Variants in SGCD observed in about 807,000 individuals in gnomAD.
The protein encoded by SGCD is sarcoglycan delta, also known as delta-sarcoglycan.
In SGCD, 18 loss-of-function variants were observed where a neutral mutation model predicts 36.6. That is an observed-to-expected ratio of 0.49 (90% CI 0.34 to 0.73). The LOEUF is 0.73. Among genes scored for constraint, SGCD ranks in the 30% least tolerant of loss-of-function variants. The probability of loss-of-function intolerance (pLI) is 0.01; values close to 1 mark genes in which losing one functional copy is unlikely to be tolerated. For missense variants in SGCD, 387 were observed against 346.7 expected, an observed-to-expected ratio of 1.12 and a Z score of -0.92; for synonymous variants, 133 against 130.6, an observed-to-expected ratio of 1.02 and a Z score of -0.12.
intron 1 of SGCD, among the ~76,000 whole-genome samples, chr5:155,977,143 G>T (rs1056290601): frequency 1.3e-5 from 2 of 152,210 alleles, no homozygotes; most frequent in East Asian, 3.8e-4. Context: ...CTGCCTCTAT[G>T]CAGGGAAGCA....
chr5:155,790,883 T>G, the SGCD span, among the ~76,000 whole-genome samples: 4 of 152,268 alleles, frequency 2.6e-5, no homozygotes, highest in South Asian at 4.1e-4. Context: ...GTACTTAATA[T>G]AAGAATTTCC....
chr5:155,934,812 A>G (rs546026857), intron 1 of SGCD, among the ~76,000 whole-genome samples: 26 of 152,316 alleles, frequency 1.7e-4, no homozygotes, highest in African/African-American at 6.0e-4. Context: ...CATCTGACCT[A>G]CAGTCTGCCC....
chr5:156,642,269 G>C (rs1561833151), intron 6 of SGCD, among the ~76,000 whole-genome samples: 1 of 151,914 alleles, frequency 6.6e-6, no homozygotes, highest in East Asian at 1.9e-4. Flanking sequence ...TGAATTTTGG[G>C]GGGACACAAA....
In SGCD at chr5:156,483,526, T is replaced by C. The variant is rs1486324823; in HGVS notation, c.193-25075T>C. ...GTTCATGTTACCTCATTTTTGCATT[T>C]GTGCATCGATAACCAAACAGAAGGC... On this transcript the variant is annotated intron_variant, in intron 3 of 8. Transcript: ENST00000337851. Among the ~76,000 whole-genome samples the C allele has an allele frequency of 2.6e-5, 4 of 152,206 alleles. No homozygotes were observed. The East Asian group carries it at 7.7e-4, about 29-fold the overall frequency.
At chr5:155,877,303 GT>G (rs1266522224) in intron 1 of SGCD, among the ~76,000 whole-genome samples, 2 of 152,092 alleles carry the variant, frequency 1.3e-5, no homozygotes, top group Non-Finnish European at 2.9e-5. Flanking sequence ...GTCTGATAGG[GT>G]TTGCCAAGTT....
intron 1 of SGCD, among the ~76,000 whole-genome samples, chr5:156,080,576 T>C (rs1174853839): frequency 1.3e-5 from 2 of 152,226 alleles, no homozygotes; most frequent in Non-Finnish European, 1.5e-5. Flanking sequence ...CCAGGCCATT[T>C]CTTGAATGCT....
At chr5:155,794,504 G>T in the SGCD span, among the ~76,000 whole-genome samples, 1 of 151,808 alleles carries the variant, frequency 6.6e-6, no homozygotes, top group Non-Finnish European at 1.5e-5. Flanking sequence ...AGAATCAAAT[G>T]AACATTGTAG....
chr5:155,778,093 C>A, the SGCD span, among the ~76,000 whole-genome samples: 1 of 152,268 alleles, frequency 6.6e-6, no homozygotes, highest in African/African-American at 2.4e-5. Flanking sequence ...AAACTGGATA[C>A]TTAGACATGA....
At chr5:156,161,608 A>G (rs1035775524) in intron 3 of SGCD, among the ~76,000 whole-genome samples, 37 of 151,834 alleles carry the variant, frequency 2.4e-4, no homozygotes, top group African/African-American at 2.4e-4. Flanking sequence ...ACCTAAACCC[A>G]TGCTCTTCTA....
chr5:156,273,337 A>G (rs1435515693), intron 3 of SGCD, among the ~76,000 whole-genome samples: 1 of 152,238 alleles, frequency 6.6e-6, no homozygotes, highest in Admixed American at 6.5e-5. Context: ...AAAAACTGCA[A>G]TAGGCTGAGT....
chr5:156,174,874 C>T (rs904817283), intron 3 of SGCD, among the ~76,000 whole-genome samples: 30 of 151,824 alleles, frequency 2.0e-4, no homozygotes, highest in African/African-American at 6.0e-4. Flanking sequence ...GGAGAGAGAA[C>T]GTAAGTTATA....
upstream of SGCD, among the ~76,000 whole-genome samples, chr5:156,326,584 T>G (rs575941485): frequency 6.8e-4 from 103 of 152,300 alleles, 1 homozygote; most frequent in African/African-American, 2.3e-3. Context: ...GCAATTGAAA[T>G]TTTGAGCAAA....
chr5:156,167,076 G>C (rs920438172), intron 3 of SGCD, among the ~76,000 whole-genome samples: 4 of 151,958 alleles, frequency 2.6e-5, no homozygotes, highest in Non-Finnish European at 5.9e-5. Context: ...CAGACACTTG[G>C]CTCTACTGGA....
intron 3 of SGCD, among the ~76,000 whole-genome samples, chr5:156,239,003 C>A (rs2127655070): frequency 6.6e-6 from 1 of 152,196 alleles, no homozygotes. Flanking sequence ...GGTGGCTCAG[C>A]ACTGTGGAAA....
chr5:156,757,780 C>G (rs369806019), intron 8 of SGCD, 76 bp downstream of exon 8: 1 of 1,538,086 alleles, frequency 6.5e-7, no homozygotes, highest in East Asian at 2.4e-5. Flanking sequence ...TGGTTGACCT[C>G]GGAGTTGGAT....
chr5:155,764,671 C>T, the SGCD span, among the ~76,000 whole-genome samples: 3 of 152,044 alleles, frequency 2.0e-5, no homozygotes, highest in East Asian at 1.9e-4. Context: ...GACCAACCTC[C>T]GCATCTGTAG....
At chr5:155,779,886 T>G in the SGCD span, among the ~76,000 whole-genome samples, 1 of 152,156 alleles carries the variant, frequency 6.6e-6, no homozygotes, top group Admixed American at 6.5e-5. Flanking sequence ...AAATTTGTAT[T>G]TTTTTATTAA....
In SGCD at chr5:156,119,228, G is replaced by A. The variant is rs1056441175; in HGVS notation, c.-208+1277G>A. On this transcript the variant is annotated intron_variant, in intron 2 of 9. Transcript: ENST00000517913. ...GATATTCCTTTGGATTTTAAGTTGTGTCATTTCTGAGTGTCAGAACTAGGT... is the reference window on the plus strand; with the variant it reads ...GATATTCCTTTGGATTTTAAGTTGTATCATTTCTGAGTGTCAGAACTAGGT... Among the ~76,000 whole-genome samples the A allele has an allele frequency of 2.0e-5, 3 of 152,084 alleles. No individual in the cohort carries two copies. The South Asian group carries it at 6.2e-4, about 32-fold the overall frequency.
intron 1 of SGCD, among the ~76,000 whole-genome samples, chr5:155,964,526 C>T (rs1355846710): frequency 6.6e-6 from 1 of 151,986 alleles, no homozygotes; most frequent in Non-Finnish European, 1.5e-5. Flanking sequence ...TTCGTAGAGA[C>T]AGGGTTTCAC....
Sources: allele counts gnomAD v4.1 joint callset (sites outside exome capture counted in the v4.1 genomes callset), GRCh38; gene constraint gnomAD v4.1.1; transcripts MANE v1.5; gene names NCBI Gene and HGNC (gene_info 2026-07-23, HGNC 2026-07-21).